The following EVL variants were observed in gnomAD, a reference collection of about 807,000 sequenced individuals.
EVL encodes ena/VASP-like protein.
EVL carries 21 observed loss-of-function variants against 59.6 expected under a neutral mutation model. The ratio of observed to expected loss-of-function variants is 0.35; its 90% CI spans 0.25 to 0.51. The LOEUF (loss-of-function observed/expected upper bound fraction) is 0.51, where lower values mean the gene tolerates loss of function less well. Ranked by LOEUF, EVL falls within the 20% of genes least tolerant of loss-of-function variation. The pLI is 0.97. For missense variants in EVL, 462 were observed against 546.6 expected (o/e 0.85, Z 1.54); for synonymous variants, 198 against 203.5 (o/e 0.97, Z 0.23).
chr14:100,044,968 T>G (rs200968213), intron 1 of EVL, among the ~76,000 whole-genome samples: 7 of 151,900 alleles, frequency 4.6e-5, no homozygotes, highest in Admixed American at 6.6e-5. Context: ...TAAAAATAAA[T>G]AAAGAAATAA....
intron 2 of EVL, chr14:100,096,965 A>G (rs1039489554): frequency 6.5e-6 from 1 of 153,870 alleles, no homozygotes; most frequent in Non-Finnish European, 1.4e-5. Flanking sequence ...CATTCAAAGT[A>G]CTAGACACTA....
rs192538288 is a variant in EVL at position 100,071,715 on chromosome 14, G to T, written c.11+6204G>T. On this transcript the variant is annotated intron_variant, in intron 1 of 13. Transcript: ENST00000392920. ...CACTACAGACAGCAAGCATGGAATT[G>T]AAAATACCACCTGCAAGGTGGCGGT... is the stretch of plus-strand genomic sequence containing the variant. 7.9e-4 allele frequency among the ~76,000 whole-genome samples: 120 copies of T among 152,258 alleles called. 1 individual carries two copies. Among genetic ancestry groups the T allele is most frequent in the Admixed American group, 7.8e-3 (119 of 15,302 alleles).
intron 3 of EVL, chr14:100,107,035 C>T (rs557220017): frequency 9.0e-5 from 36 of 398,772 alleles, no homozygotes; most frequent in African/African-American, 6.2e-4. Flanking sequence ...GAGCAAGTCA[C>T]CTCCTCCATC....
At chr14:100,128,780 G>T in intron 6 of EVL, 32 bp downstream of exon 6, 1 of 1,565,718 alleles carries the variant, frequency 6.4e-7, no homozygotes, top group Non-Finnish European at 8.7e-7. Flanking sequence ...GTGGGAATGG[G>T]ACCGAGGGGA....
rs1555414002 is a variant in EVL at position 100,028,139 on chromosome 14, T to TG, written c.5+56082_5+56083insG. ...AGTTGTTTTTTTGTTTGTTTGTTTT[T>TG]TTTTTTTTTTTTGAGGAACCTCCAA... On this transcript the variant is annotated intron_variant, in intron 1 of 13. Coordinates refer to the EVL transcript ENST00000402714. Among the ~76,000 whole-genome samples the TG allele has an allele frequency of 1.6e-4, 24 of 147,908 alleles. 1 individual carries two copies. Among genetic ancestry groups the TG allele is most frequent in the Non-Finnish European group, 3.0e-4 (20 of 67,230 alleles).
At chr14:100,007,931 G>A (rs1207442935) in intron 1 of EVL, among the ~76,000 whole-genome samples, 1 of 152,176 alleles carries the variant, frequency 6.6e-6, no homozygotes, top group Non-Finnish European at 1.5e-5. Flanking sequence ...ACTTTGTTGT[G>A]GAGGACTACC....
intron 1 of EVL, among the ~76,000 whole-genome samples, chr14:100,007,679 G>A (rs1012615329): frequency 1.3e-5 from 2 of 152,190 alleles, no homozygotes; most frequent in Admixed American, 1.3e-4. Flanking sequence ...TTACCTATTG[G>A]AGGCACTCCA....
chr14:100,081,716 C>T (rs967683423), intron 1 of EVL, among the ~76,000 whole-genome samples: 1 of 152,174 alleles, frequency 6.6e-6, no homozygotes, highest in Non-Finnish European at 1.5e-5. Context: ...TCTTTACTCC[C>T]TGCCTCTGCT....
chr14:100,083,838 A>T (rs1220693212), intron 1 of EVL, among the ~76,000 whole-genome samples: 1 of 152,216 alleles, frequency 6.6e-6, no homozygotes, highest in Non-Finnish European at 1.5e-5. Flanking sequence ...GGATGTTGCA[A>T]AGAATATTAT....
chr14:100,126,663 C>G, intron 4 of EVL, 44 bp from the exon 5 acceptor site: 1 of 1,609,128 alleles, frequency 6.2e-7, no homozygotes, highest in Non-Finnish European at 8.5e-7. Context: ...GTGGTGGTCT[C>G]CAGAGTGGAG....
In EVL at chr14:100,128,597, C is replaced by A. The variant is rs375445728; in HGVS notation, c.566C>A (p.Pro189Gln). Reference protein sequence around the residue: ...VSCSGPPPPPPPPVPPPPTGA... With the variant: ...VSCSGPPPPPQPPVPPPPTGA... ...TGTAGTGGGCCTCCACCGCCCCCCCCACCCCCAGTCCCACCTCCACCCACT... is the reference window on the plus strand; with the variant it reads ...TGTAGTGGGCCTCCACCGCCCCCCCAACCCCCAGTCCCACCTCCACCCACT... The change falls in exon 6 of 14, where the codon CCA (proline) becomes CAA (glutamine). Residue 189 changes from proline (P) to glutamine (Q), a missense_variant. Transcript: ENST00000392920. 59 of 1,510,366 alleles carry A rather than the reference C, an allele frequency of 3.9e-5. No homozygotes were observed. The highest frequency in any genetic ancestry group is 9.5e-5 in the South Asian group (8 of 83,890). The allele number at this position is 1,510,366 out of a possible 1,614,324, so 93.6% of individuals were successfully genotyped here. A position where few individuals can be genotyped will look rare whatever the true frequency, so the allele number is the denominator to read the frequency against.
chr14:100,013,371 A>G (rs1566968890), intron 1 of EVL, among the ~76,000 whole-genome samples: 1 of 152,240 alleles, frequency 6.6e-6, no homozygotes. Flanking sequence ...AATATTAGCT[A>G]CCATTGATTG....
intron 1 of EVL, among the ~76,000 whole-genome samples, chr14:99,996,987 G>A (rs368841421): frequency 5.3e-5 from 8 of 152,282 alleles, no homozygotes; most frequent in South Asian, 4.1e-4. Context: ...CCTGAGGCAC[G>A]GAGTGATGAG....
upstream of EVL, among the ~76,000 whole-genome samples, chr14:100,062,297 A>G (rs1432381943): frequency 6.6e-6 from 1 of 152,064 alleles, no homozygotes; most frequent in African/African-American, 2.4e-5. Context: ...CAGCTACACC[A>G]TAAAGGATGG....
chr14:100,102,287 A>T (rs1394275173), intron 3 of EVL: 2 of 456,026 alleles, frequency 4.4e-6, no homozygotes, highest in East Asian at 1.4e-4. Flanking sequence ...ATATCTGCAT[A>T]ATTTCCCTCT....
At chr14:100,078,129 T>G (rs976642713) in intron 1 of EVL, among the ~76,000 whole-genome samples, 2 of 152,216 alleles carry the variant, frequency 1.3e-5, no homozygotes, top group Non-Finnish European at 2.9e-5. Flanking sequence ...AAATTCCACA[T>G]AGTTCACGTT....
intron 3 of EVL, among the ~76,000 whole-genome samples, chr14:100,119,159 TTC>T (rs2140359745): frequency 6.6e-6 from 1 of 152,358 alleles, no homozygotes; most frequent in South Asian, 2.1e-4. Context: ...AAATTTCCCT[TTC>T]TCTTTTTCAT....
chr14:100,083,110 T>C (rs1438352781), intron 1 of EVL, among the ~76,000 whole-genome samples: 1 of 152,190 alleles, frequency 6.6e-6, no homozygotes, highest in African/African-American at 2.4e-5. Flanking sequence ...ATGGTAGAGC[T>C]GGGCACCAAC....
At chr14:100,029,789 C>G (rs1414757048) in intron 1 of EVL, among the ~76,000 whole-genome samples, 1 of 152,082 alleles carries the variant, frequency 6.6e-6, no homozygotes, top group Non-Finnish European at 1.5e-5. Context: ...CATGCTTTAG[C>G]TGATTGAGGG....
Sources: allele counts gnomAD v4.1 joint callset (sites outside exome capture counted in the v4.1 genomes callset), GRCh38; gene constraint gnomAD v4.1.1; transcripts MANE v1.5; gene names NCBI Gene and HGNC (gene_info 2026-07-23, HGNC 2026-07-21).